Variants in FOXO1 observed in about 807,000 individuals in gnomAD.
The protein encoded by FOXO1 is forkhead box O1, also known as forkhead box protein O1.
A neutral mutation model predicts 44.1 loss-of-function variants in FOXO1; 6 were observed. The ratio of observed to expected loss-of-function variants is 0.14; its 90% CI spans 0.07 to 0.27. FOXO1 has a LOEUF of 0.27. Ranked by LOEUF, FOXO1 falls within the 10% of genes least tolerant of loss-of-function variation. FOXO1 has a pLI of 1.00. For synonymous variants in FOXO1, 380 were observed against 362.7 expected (o/e 1.05, Z -0.54); for missense variants, 737 against 888.8 (o/e 0.83, Z 2.17).
At chr13:40,646,314 T>TAC (rs1877509591) in intron 1 of FOXO1, among the ~76,000 whole-genome samples, 3 of 144,312 alleles carry the variant, frequency 2.1e-5, no homozygotes, top group South Asian at 2.2e-4. Flanking sequence ...TTTTTTGAGA[T>TAC]GGAGTCTCGC....
At chr13:40,562,710 G>C (rs907524905) in intron 1 of FOXO1, 1 of 152,282 alleles carries the variant, frequency 6.6e-6, no homozygotes, top group Non-Finnish European at 1.5e-5. Flanking sequence ...AATATATGGT[G>C]AAAGGGGCCA....
chr13:40,565,317 C>A (rs1389021292), intron 1 of FOXO1, among the ~76,000 whole-genome samples: 1 of 152,094 alleles, frequency 6.6e-6, no homozygotes, highest in Non-Finnish European at 1.5e-5. Context: ...AATAAGTACA[C>A]GTAAAGAGCC....
chr13:40,658,873 G>A (rs564636348), intron 1 of FOXO1, among the ~76,000 whole-genome samples: 11 of 152,216 alleles, frequency 7.2e-5, no homozygotes, highest in South Asian at 6.2e-4. Flanking sequence ...TTAGCCGGGC[G>A]TGGTGGTGGG....
intron 1 of FOXO1, among the ~76,000 whole-genome samples, chr13:40,636,694 G>C (rs1330765652): frequency 6.7e-6 from 1 of 150,264 alleles, no homozygotes; most frequent in East Asian, 2.0e-4. Context: ...GCTGACTTTT[G>C]TATTTTTAGT....
At position 40,555,716 on chromosome 13, in the gene FOXO1, T is replaced by C. The variant is rs1037119958; in HGVS notation, c.*3333A>G. 5 of 152,690 alleles carry C rather than the reference T, an allele frequency of 3.3e-5. No homozygotes were observed. Among genetic ancestry groups the C allele is most frequent in the Non-Finnish European group, 4.4e-5 (3 of 68,044 alleles). 9.5% of individuals were successfully genotyped at this position (152,690 alleles called of 1,614,324 possible). A position where few individuals can be genotyped will look rare whatever the true frequency, so the allele number is the denominator to read the frequency against. On this transcript the variant is annotated 3_prime_UTR_variant, in exon 3 of 3. Transcript: ENST00000379561. ...ATTTAATAGCTTCACAAAAAATTCC[T>C]AATAAAGAGCTTATTCTGCATAATT... is the stretch of plus-strand genomic sequence containing the variant.
At chr13:40,608,675 T>C (rs1876112830) in intron 1 of FOXO1, among the ~76,000 whole-genome samples, 1 of 152,220 alleles carries the variant, frequency 6.6e-6, no homozygotes, top group Non-Finnish European at 1.5e-5. Context: ...CTCCAGGCTA[T>C]CTTTTTTTCA....
At chr13:40,641,320 G>A (rs546199415) in intron 1 of FOXO1, among the ~76,000 whole-genome samples, 45 of 152,042 alleles carry the variant, frequency 3.0e-4, no homozygotes, top group Admixed American at 7.2e-4. Context: ...CCTCCCAACC[G>A]CTCATTAATC....
intron 1 of FOXO1, among the ~76,000 whole-genome samples, chr13:40,608,323 C>T (rs1032213979): frequency 6.6e-6 from 1 of 152,170 alleles, no homozygotes; most frequent in African/African-American, 2.4e-5. Flanking sequence ...TTGAAACATA[C>T]TCATACAGTC....
intron 1 of FOXO1, among the ~76,000 whole-genome samples, chr13:40,647,599 T>A (rs1877553251): frequency 6.6e-6 from 1 of 152,130 alleles, no homozygotes; most frequent in East Asian, 1.9e-4. Context: ...GAGATGGAGT[T>A]TCACCATGTT....
At chr13:40,627,068 C>T (rs1489452391) in intron 1 of FOXO1, among the ~76,000 whole-genome samples, 1 of 152,164 alleles carries the variant, frequency 6.6e-6, no homozygotes, top group Non-Finnish European at 1.5e-5. Context: ...TTCCAGAACA[C>T]AAGCATTAGA....
chr13:40,650,157 T>C (rs996927986), intron 1 of FOXO1, among the ~76,000 whole-genome samples: 10 of 139,964 alleles, frequency 7.1e-5, no homozygotes, highest in African/African-American at 2.8e-4. Flanking sequence ...AGACTATATA[T>C]ATAGAGTAAC....
chr13:40,581,585 G>A (rs1449789349), intron 1 of FOXO1, among the ~76,000 whole-genome samples: 1 of 152,114 alleles, frequency 6.6e-6, no homozygotes, highest in South Asian at 2.1e-4. Flanking sequence ...AAATAACACA[G>A]AATTCAAATC....
intron 1 of FOXO1, among the ~76,000 whole-genome samples, chr13:40,598,021 A>G (rs1360397756): frequency 2.0e-5 from 3 of 152,152 alleles, no homozygotes; most frequent in Non-Finnish European, 2.9e-5. Context: ...CTCGTTTTCA[A>G]TTTCCAACTT....
At chr13:40,574,169 T>A (rs571548657) in intron 1 of FOXO1, among the ~76,000 whole-genome samples, 16 of 152,002 alleles carry the variant, frequency 1.1e-4, no homozygotes, top group Admixed American at 2.0e-4. Context: ...AAATAAAAAA[T>A]TTTTAAAAAG....
chr13:40,562,406 A>G (rs1874069494), intron 1 of FOXO1, among the ~76,000 whole-genome samples: 1 of 152,192 alleles, frequency 6.6e-6, no homozygotes, highest in South Asian at 2.1e-4. Flanking sequence ...TGGCTCTGCT[A>G]CTTACTTACC....
intron 1 of FOXO1, among the ~76,000 whole-genome samples, chr13:40,622,205 T>G (rs568554508): frequency 6.6e-6 from 1 of 152,222 alleles, no homozygotes; most frequent in Admixed American, 6.5e-5. Context: ...ACAATATGCA[T>G]GGTTTCTCAA....
chr13:40,611,862 CAGG>C (rs986045020), intron 1 of FOXO1, among the ~76,000 whole-genome samples: 4 of 152,126 alleles, frequency 2.6e-5, no homozygotes, highest in African/African-American at 9.7e-5. Flanking sequence ...CACTTGAGCC[CAGG>C]AGTTCAAAAC....
chr13:40,657,498 A>C (rs918409649), intron 1 of FOXO1, among the ~76,000 whole-genome samples: 2 of 151,834 alleles, frequency 1.3e-5, no homozygotes, highest in Non-Finnish European at 2.9e-5. Flanking sequence ...ACACTCACTT[A>C]ATCTCTTCTA....
intron 1 of FOXO1, chr13:40,611,053 A>G: frequency 2.2e-6 from 1 of 456,304 alleles, no homozygotes. Flanking sequence ...CGTGAGGAGA[A>G]AAGTTGTATC....
Sources: allele counts gnomAD v4.1 joint callset (sites outside exome capture counted in the v4.1 genomes callset), GRCh38; gene constraint gnomAD v4.1.1; transcripts MANE v1.5; gene names NCBI Gene and HGNC (gene_info 2026-07-23, HGNC 2026-07-21).